The following HAVCR2 variants were observed in gnomAD, a reference collection of about 807,000 sequenced individuals.
The protein encoded by HAVCR2 is T cell immunoglobulin mucin 3.
Under a neutral mutation model 24.7 loss-of-function variants are expected in HAVCR2, and 13 were observed. That is an observed-to-expected ratio of 0.53 (90% CI 0.34 to 0.84). The LOEUF (loss-of-function observed/expected upper bound fraction) is 0.84, where lower values mean the gene tolerates loss of function less well. Among genes scored for constraint, HAVCR2 ranks in the 40% least tolerant of loss-of-function variants. The pLI is 0.01. For synonymous variants in HAVCR2, 154 were observed against 143.4 expected (o/e 1.07, Z -0.53); for missense variants, 343 against 371.2 (o/e 0.92, Z 0.62).
chr5:157,102,651 A>T (rs1287923225), intron 3 of HAVCR2, among the ~76,000 whole-genome samples: 1 of 151,948 alleles, frequency 6.6e-6, no homozygotes, highest in Admixed American at 6.6e-5. Context: ...AACTAAAGGG[A>T]AGGCTGGGCG....
At chr5:157,099,938 C>T (rs377485210) in intron 3 of HAVCR2, among the ~76,000 whole-genome samples, 4 of 152,098 alleles carry the variant, frequency 2.6e-5, no homozygotes, top group African/African-American at 9.7e-5. Context: ...TCAAGTGATC[C>T]ACCCGCCTCG....
chr5:157,094,985 G>A (rs1160011230), intron 5 of HAVCR2, among the ~76,000 whole-genome samples: 1 of 152,134 alleles, frequency 6.6e-6, no homozygotes, highest in Non-Finnish European at 1.5e-5. Flanking sequence ...GGTTCTGCCA[G>A]GTACTGATGT....
At chr5:157,105,716 C>T (rs1757237738) in intron 2 of HAVCR2, among the ~76,000 whole-genome samples, 1 of 152,158 alleles carries the variant, frequency 6.6e-6, no homozygotes, top group Admixed American at 6.5e-5. Flanking sequence ...TTATAGAAAT[C>T]TTAAGTCTGT....
chr5:157,106,394 T>A (rs919473222), intron 2 of HAVCR2: 1 of 514,676 alleles, frequency 1.9e-6, no homozygotes. Context: ...CCTCCCAAAG[T>A]GCTGGGATTA....
intron 5 of HAVCR2, among the ~76,000 whole-genome samples, chr5:157,091,350 G>C (rs754964814): frequency 6.6e-6 from 1 of 152,042 alleles, no homozygotes; most frequent in Admixed American, 6.6e-5. Context: ...GAGGCTGAGG[G>C]GGGAGAATCA....
At chr5:157,098,726 C>A in intron 4 of HAVCR2, 132 bp downstream of exon 4, 1 of 761,454 alleles carries the variant, frequency 1.3e-6, no homozygotes, top group South Asian at 1.7e-5. Flanking sequence ...CAACATGTTA[C>A]AGCCCAGGAA....
At chr5:157,102,916 G>C (rs1463215996) in intron 3 of HAVCR2, among the ~76,000 whole-genome samples, 62 of 136,476 alleles carry the variant, frequency 4.5e-4, no homozygotes, top group African/African-American at 1.5e-3. Context: ...GCCTGGGTGA[G>C]AGAGTGAGAC....
chr5:157,108,819 C>T (rs1414078504), intron 1 of HAVCR2, 107 bp downstream of exon 1: 1 of 1,040,108 alleles, frequency 9.6e-7, no homozygotes, highest in Non-Finnish European at 1.4e-6. Flanking sequence ...AGGTTGCTTC[C>T]AAGCTTTTGC....
At chr5:157,108,567 C>T (rs1437609068) in intron 1 of HAVCR2, among the ~76,000 whole-genome samples, 2 of 152,072 alleles carry the variant, frequency 1.3e-5, no homozygotes, top group African/African-American at 4.8e-5. Flanking sequence ...ACTCTCCCAA[C>T]TCTTTACCAT....
chr5:157,106,919 G>A lies in HAVCR2; in HGVS notation c.102C>T (p.Ala34=), dbSNP rs1163489376. ...VEYRAEVGQN[A]YLPCFYTPAA... The stretch of plus-strand genomic sequence containing the variant: ...CTGGGGTGTAGAAGCAGGGCAGATA[G>A]GCATTCTGACCGACCTCCGCTCTGT... Residue 34 remains alanine (A), a synonymous_variant, in exon 2 of 7, where the codon GCC becomes GCT. Transcript: ENST00000307851. 1 of 1,614,060 alleles carries A rather than the reference G, an allele frequency of 6.2e-7. No individual in the cohort carries two copies. Among genetic ancestry groups the A allele is most frequent in the Non-Finnish European group, 8.5e-7 (1 of 1,180,020 alleles).
intron 5 of HAVCR2, among the ~76,000 whole-genome samples, chr5:157,092,982 TG>T (rs1757030665): frequency 6.9e-6 from 1 of 144,136 alleles, no homozygotes; most frequent in Non-Finnish European, 1.5e-5. Context: ...GCACAAGAAT[TG>T]CTTGAACCCA....
At chr5:157,095,952 G>A (rs1421378162) in intron 4 of HAVCR2, among the ~76,000 whole-genome samples, 3 of 152,128 alleles carry the variant, frequency 2.0e-5, no homozygotes, top group African/African-American at 7.2e-5. Flanking sequence ...GAGGCCGGGC[G>A]CGGTGGCTAA....
chr5:157,104,128 T>C (rs1757211742), intron 3 of HAVCR2, among the ~76,000 whole-genome samples: 1 of 152,200 alleles, frequency 6.6e-6, no homozygotes, highest in South Asian at 2.1e-4. Context: ...TCATGATCAA[T>C]GTGACTTGAC....
At chr5:157,103,901 C>T (rs1004259581) in intron 3 of HAVCR2, among the ~76,000 whole-genome samples, 6 of 152,262 alleles carry the variant, frequency 3.9e-5, no homozygotes, top group Admixed American at 6.5e-5. Context: ...ATAATATTAA[C>T]GACAACAGCT....
intron 6 of HAVCR2, among the ~76,000 whole-genome samples, chr5:157,088,528 TA>T (rs146788936): frequency 0.017 from 2,554 of 152,304 alleles, 83 homozygotes; most frequent in African/African-American, 0.059. Flanking sequence ...AATAGGAAAC[TA>T]AAGTTGAAAA....
At chr5:157,097,880 G>A (rs1420871568) in intron 4 of HAVCR2, among the ~76,000 whole-genome samples, 7 of 152,050 alleles carry the variant, frequency 4.6e-5, no homozygotes, top group Non-Finnish European at 8.8e-5. Context: ...GATTACAGAC[G>A]TGAGTCACTG....
At chr5:157,097,225 G>A (rs1190655931) in intron 4 of HAVCR2, among the ~76,000 whole-genome samples, 1 of 151,506 alleles carries the variant, frequency 6.6e-6, no homozygotes, top group Non-Finnish European at 1.5e-5. Flanking sequence ...AAATAAATGT[G>A]GGCTCCTGGA....
At chr5:157,107,762 A>T (rs542072690) in intron 1 of HAVCR2, among the ~76,000 whole-genome samples, 3 of 151,908 alleles carry the variant, frequency 2.0e-5, no homozygotes, top group Non-Finnish European at 4.4e-5. Context: ...CGGTGCGGTC[A>T]CCCTGGCCAG....
chr5:157,094,906 C>A (rs1490645841), intron 5 of HAVCR2, among the ~76,000 whole-genome samples: 1 of 152,096 alleles, frequency 6.6e-6, no homozygotes, highest in African/African-American at 2.4e-5. Flanking sequence ...TGTTTCGTAA[C>A]AAACCTAGAC....
Sources: gnomAD v4.1 joint callset for allele counts (sites outside exome capture counted in the v4.1 genomes callset) on GRCh38, gnomAD v4.1.1 for gene constraint, MANE v1.5 for transcripts, NCBI Gene and HGNC (gene_info 2026-07-23, HGNC 2026-07-21) for gene names.